Variants in PRSS23 observed in about 807,000 individuals in gnomAD.
PRSS23 encodes protease, serine 23.
In PRSS23, 25 loss-of-function variants were observed where a neutral mutation model predicts 34.7. That is an observed-to-expected ratio of 0.72 (90% CI 0.53 to 1.01). The LOEUF is 1.01. Among genes scored for constraint, PRSS23 ranks in the 50% least tolerant of loss-of-function variants. PRSS23 has a pLI of 0.00. For synonymous variants in PRSS23, 176 were observed against 186.6 expected (o/e 0.94, Z 0.46); for missense variants, 445 against 475.6 (o/e 0.94, Z 0.60).
Position 86,808,735 on chromosome 11 carries a change from C to T in PRSS23, c.1092C>T (p.Leu364=). 1 of 1,614,054 alleles carries T rather than the reference C, an allele frequency of 6.2e-7. No individual in the cohort carries two copies. The highest frequency in any genetic ancestry group is 1.1e-5 in the South Asian group (1 of 91,052). Reference sequence around the variant, plus strand: ...ACGTGGCTGTCAGAATCACTCCTCTCAAATATGCCCAGATTTGCTATTGGA... The same window carrying T: ...ACGTGGCTGTCAGAATCACTCCTCTTAAATATGCCCAGATTTGCTATTGGA... The part of the protein sequence containing the change: ...DFNVAVRITP[L]KYAQICYWIK... Residue 364 remains leucine, a synonymous_variant, in exon 2 of 2, where the codon CTC becomes CTT. Transcript: ENST00000280258.
chr11:86,942,701 T>C (rs1461921669), intron 2 of PRSS23, among the ~76,000 whole-genome samples: 1 of 152,186 alleles, frequency 6.6e-6, no homozygotes, highest in Non-Finnish European at 1.5e-5. Context: ...TGGGCCCTCT[T>C]AGCCTAAAGA....
intron 2 of PRSS23, among the ~76,000 whole-genome samples, chr11:86,851,723 G>C (rs1948531201): frequency 6.6e-6 from 1 of 152,212 alleles, no homozygotes; most frequent in South Asian, 2.1e-4. Flanking sequence ...AAGCTGCATA[G>C]ACCACAGAGC....
intron 2 of PRSS23, among the ~76,000 whole-genome samples, chr11:86,891,996 C>A (rs145630081): frequency 5.3e-5 from 8 of 152,272 alleles, no homozygotes; most frequent in African/African-American, 1.7e-4. Context: ...TCAAGCAGTT[C>A]TTTATAGCAG....
At chr11:86,795,078 G>A (rs892290044) in intron 1 of PRSS23, among the ~76,000 whole-genome samples, 1 of 152,120 alleles carries the variant, frequency 6.6e-6, no homozygotes, top group Non-Finnish European at 1.5e-5. Context: ...GTCAACGGGA[G>A]TCCTGGGATA....
intron 2 of PRSS23, among the ~76,000 whole-genome samples, chr11:86,889,292 G>A (rs1948825536): frequency 1.3e-5 from 2 of 152,126 alleles, no homozygotes; most frequent in Admixed American, 1.3e-4. Context: ...TCCACAGATG[G>A]GGCAATTTGG....
intron 2 of PRSS23, chr11:86,933,525 A>G (rs1590934128): frequency 6.6e-6 from 1 of 152,362 alleles, no homozygotes; most frequent in Middle Eastern, 3.4e-3. Context: ...TGCATATTTC[A>G]TACCTACTAT....
intron 1 of PRSS23, among the ~76,000 whole-genome samples, chr11:86,802,631 C>G (rs903518604): frequency 1.3e-5 from 2 of 152,198 alleles, no homozygotes; most frequent in Admixed American, 6.5e-5. Context: ...TCTGTCATTA[C>G]TGTTTATAGC....
At chr11:86,881,211 C>G (rs1948770001) in intron 2 of PRSS23, among the ~76,000 whole-genome samples, 1 of 149,832 alleles carries the variant, frequency 6.7e-6, no homozygotes, top group African/African-American at 2.4e-5. Flanking sequence ...GAGGAAGTTC[C>G]CTCTAACTGT....
chr11:86,880,816 G>A (rs1329003812), intron 2 of PRSS23, among the ~76,000 whole-genome samples: 3 of 152,148 alleles, frequency 2.0e-5, no homozygotes, highest in African/African-American at 7.2e-5. Flanking sequence ...CCCTGCAAAG[G>A]ACACGATCTC....
intron 2 of PRSS23, among the ~76,000 whole-genome samples, chr11:86,930,789 CAAAA>C (rs56369539): frequency 5.6e-5 from 7 of 123,964 alleles, no homozygotes; most frequent in Admixed American, 8.1e-5. Flanking sequence ...GACTCCGTCT[CAAAA>C]AAAAAAAAAA....
At chr11:86,929,426 T>C (rs1949108804) in intron 2 of PRSS23, among the ~76,000 whole-genome samples, 3 of 151,780 alleles carry the variant, frequency 2.0e-5, no homozygotes, top group Admixed American at 6.6e-5. Context: ...GCGGATCACC[T>C]GAGGTCAGGA....
In PRSS23 at chr11:86,816,840, G is replaced by A. The variant is rs117184027; in HGVS notation, c.-11-6537G>A. ...TCAATTCCTTCATTATATCTTTACC[G>A]ATCAGCCTCTTTATGCTTTGTTTTG... On this transcript the variant is annotated intron_variant, in intron 1 of 2. Coordinates refer to the PRSS23 transcript ENST00000533902. Among the ~76,000 whole-genome samples the A allele has an allele frequency of 2.3e-4, 35 of 152,276 alleles. 2 individuals carry two copies. In the East Asian group the frequency reaches 6.7e-3, roughly 29 times the overall value.
In PRSS23 at chr11:86,808,875, C is replaced by T. The variant is rs1948142845; in HGVS notation, c.*80C>T. The stretch of plus-strand genomic sequence containing the variant: ...AGGCCAAATTGTTTTTTGTCATTGG[C>T]GTGCACACGTGTGTGTGTGTGTGTG... On this transcript the variant is annotated 3_prime_UTR_variant, in exon 2 of 2. Coordinates refer to ENST00000280258, the MANE Select transcript of PRSS23 (RefSeq NM_007173.6). 7 of 1,176,098 alleles carry T rather than the reference C, an allele frequency of 6.0e-6. No individual in the cohort carries two copies. Among genetic ancestry groups the T allele is most frequent in the Admixed American group, 4.3e-5 (2 of 46,484 alleles). The allele number at this position is 1,176,098 out of a possible 1,614,324, so 72.9% of individuals were successfully genotyped here.
intron 2 of PRSS23, chr11:86,949,997 T>A (rs1949276123): frequency 6.6e-6 from 1 of 152,256 alleles, no homozygotes; most frequent in South Asian, 2.1e-4. Flanking sequence ...CTTTAAAAAA[T>A]AAAAAAATTT....
chr11:86,873,595 G>T (rs2134950635), intron 2 of PRSS23, among the ~76,000 whole-genome samples: 1 of 152,164 alleles, frequency 6.6e-6, no homozygotes, highest in African/African-American at 2.4e-5. Flanking sequence ...TATTCTTAAA[G>T]ATTGTACCCC....
intron 2 of PRSS23, among the ~76,000 whole-genome samples, chr11:86,897,319 T>C (rs189902664): frequency 2.5e-4 from 38 of 152,312 alleles, no homozygotes; most frequent in Non-Finnish European, 4.0e-4. Context: ...CCCAGGCTGG[T>C]CTGAAACTCC....
intron 2 of PRSS23, among the ~76,000 whole-genome samples, chr11:86,831,628 G>A (rs1368381133): frequency 8.6e-5 from 13 of 151,496 alleles, no homozygotes; most frequent in Admixed American, 8.5e-4. Context: ...CACAGGGGGT[G>A]TACGCCCTGT....
downstream of PRSS23, among the ~76,000 whole-genome samples, chr11:86,814,876 G>C (rs923421045): frequency 6.6e-6 from 1 of 152,218 alleles, no homozygotes; most frequent in African/African-American, 2.4e-5. Flanking sequence ...CTGAGAGGCA[G>C]AAAGTGCAGG....
exon 3 of PRSS23, chr11:86,952,856 G>T: frequency 6.3e-6 from 1 of 158,328 alleles, no homozygotes; most frequent in Non-Finnish European, 1.4e-5. Flanking sequence ...TCATTTAGGT[G>T]GTTTATTTTT....
Sources: gnomAD v4.1 joint callset for allele counts (sites outside exome capture counted in the v4.1 genomes callset) on GRCh38, gnomAD v4.1.1 for gene constraint, MANE v1.5 for transcripts, NCBI Gene and HGNC (gene_info 2026-07-23, HGNC 2026-07-21) for gene names.